The following PCDH11X variants were observed in gnomAD, a reference collection of about 807,000 sequenced individuals.
The protein encoded by PCDH11X is protocadherin 11 X-linked.
In PCDH11X, 18 loss-of-function variants were observed where a neutral mutation model predicts 53.3. That is an observed-to-expected ratio of 0.34 (90% CI 0.23 to 0.50). PCDH11X has a LOEUF of 0.50. PCDH11X is among the 20% of genes least tolerant of loss of function. The probability of loss-of-function intolerance (pLI) is 0.98; values close to 1 mark genes in which losing one functional copy is unlikely to be tolerated. For synonymous variants in PCDH11X, 279 were observed against 393.3 expected (o/e 0.71, Z 3.44); for missense variants, 570 against 1,032.4 (o/e 0.55, Z 6.14).
In PCDH11X at chrX:92,297,087, T is replaced by C. The variant is rs1288247182; in HGVS notation, c.3144+33944T>C. Among the ~76,000 whole-genome samples the C allele has an allele frequency of 9.4e-5, 9 of 95,804 alleles. No homozygotes were observed. The East Asian group carries it at 3.1e-3, about 33-fold the overall frequency. 83.2% of individuals were successfully genotyped at this position (95,804 alleles called of 115,157 possible). A position where few individuals can be genotyped will look rare whatever the true frequency, so the allele number is the denominator to read the frequency against. On this transcript the variant is annotated intron_variant, in intron 8 of 10. Coordinates refer to ENST00000682573, the MANE Select transcript of PCDH11X (RefSeq NM_032968.5). ...CATTGTTTGCAAATATTTTCTCCCA[T>C]TCTGTAGGTGGCCTGTTTACTCTGT...
At chrX:92,218,974 A>T (rs1334874045) in intron 7 of PCDH11X, among the ~76,000 whole-genome samples, 2 of 111,712 alleles carry the variant, frequency 1.8e-5, no homozygotes, top group African/African-American at 6.5e-5. Context: ...GATGCAGAAA[A>T]GGCCTTTGAC....
In PCDH11X at chrX:92,282,375, C is replaced by T. The variant is rs1476049534; in HGVS notation, c.3144+19232C>T. ...GTTAATATCTTCCAAAAATAATACC[C>T]TAGTTCAATCTTTGAAAAAGATGTA... is the stretch of plus-strand genomic sequence containing the variant. On this transcript the variant is annotated intron_variant, in intron 8 of 10. Transcript: ENST00000682573. Among the ~76,000 whole-genome samples, 3 of 110,953 alleles carry T rather than the reference C, an allele frequency of 2.7e-5. No individual in the cohort carries two copies. In the Admixed American group the frequency reaches 2.9e-4, roughly 11 times the overall value.
At chrX:92,271,684 T>C (rs1050759347) in intron 8 of PCDH11X, among the ~76,000 whole-genome samples, 1 of 112,444 alleles carries the variant, frequency 8.9e-6, no homozygotes, top group African/African-American at 3.2e-5. Flanking sequence ...CCTATTTTCC[T>C]GCTTCAATAT....
intron 6 of PCDH11X, among the ~76,000 whole-genome samples, chrX:92,152,765 ATG>A (rs2065458740): frequency 1.0e-5 from 1 of 98,966 alleles, no homozygotes; most frequent in Non-Finnish European, 2.0e-5. Context: ...GTATGTATGT[ATG>A]TATGTATGTA....
intron 8 of PCDH11X, among the ~76,000 whole-genome samples, chrX:92,368,242 T>C (rs1436688732): frequency 1.8e-5 from 2 of 110,383 alleles, no homozygotes; most frequent in Non-Finnish European, 3.8e-5. Flanking sequence ...TTTCAGTAAG[T>C]TGATCTTTAA....
intron 8 of PCDH11X, among the ~76,000 whole-genome samples, chrX:92,364,193 G>A (rs1341398792): frequency 2.7e-5 from 3 of 111,643 alleles, no homozygotes; most frequent in African/African-American, 9.7e-5. Flanking sequence ...ATGGCAATAT[G>A]TTCTGAGAAA....
chrX:92,276,616 G>A (rs2068099090), intron 8 of PCDH11X, among the ~76,000 whole-genome samples: 1 of 111,190 alleles, frequency 9.0e-6, no homozygotes, highest in South Asian at 3.8e-4. Flanking sequence ...TGTGGCTGGG[G>A]TTTGTCTCAC....
At chrX:92,046,527 G>T (rs1026047857) in intron 6 of PCDH11X, among the ~76,000 whole-genome samples, 4 of 111,028 alleles carry the variant, frequency 3.6e-5, no homozygotes, top group Admixed American at 2.9e-4. Flanking sequence ...CTAAAAACAT[G>T]TGTTGTTTGT....
chrX:92,048,532 T>A (rs1401564843), intron 6 of PCDH11X, among the ~76,000 whole-genome samples: 1 of 110,924 alleles, frequency 9.0e-6, no homozygotes, highest in Non-Finnish European at 1.9e-5. Context: ...AAGAATATAC[T>A]TCGTTCTTTT....
chrX:92,563,305 G>T (rs1412054663), intron 10 of PCDH11X, among the ~76,000 whole-genome samples: 1 of 108,800 alleles, frequency 9.2e-6, no homozygotes. Context: ...TAAATAGCTA[G>T]ATCTCAGAAA....
chrX:92,370,465 T>C (rs1449762367), intron 8 of PCDH11X, among the ~76,000 whole-genome samples: 1 of 104,553 alleles, frequency 9.6e-6, no homozygotes, highest in Non-Finnish European at 2.0e-5. Context: ...TTTTTCTTTT[T>C]TTTTTTTTTT....
At chrX:92,087,785 TTATA>T (rs2063983192) in intron 6 of PCDH11X, among the ~76,000 whole-genome samples, 1 of 110,224 alleles carries the variant, frequency 9.1e-6, no homozygotes, top group African/African-American at 3.3e-5. Flanking sequence ...GGAATTCATT[TTATA>T]TCATGTCGGA....
chrX:92,144,477 G>C (rs1044287665), intron 6 of PCDH11X, among the ~76,000 whole-genome samples: 7 of 110,910 alleles, frequency 6.3e-5, no homozygotes, highest in Non-Finnish European at 1.1e-4. Context: ...GGTGTGTCAG[G>C]GTTTTCCGCT....
intron 6 of PCDH11X, among the ~76,000 whole-genome samples, chrX:91,888,491 C>A (rs1602435014): frequency 2.7e-5 from 3 of 109,742 alleles, no homozygotes; most frequent in South Asian, 3.9e-4. Flanking sequence ...CTGTCTCTAT[C>A]AAAAATGCAA....
chrX:92,277,202 G>T (rs1263311507), intron 8 of PCDH11X, among the ~76,000 whole-genome samples: 2 of 110,024 alleles, frequency 1.8e-5, no homozygotes, highest in Admixed American at 9.8e-5. Context: ...GGAAGATTTG[G>T]GAGGAGTTGC....
intron 6 of PCDH11X, among the ~76,000 whole-genome samples, chrX:92,105,453 G>A (rs1403610824): frequency 9.1e-6 from 1 of 110,455 alleles, no homozygotes; most frequent in South Asian, 3.9e-4. Flanking sequence ...GCGTCCGTGT[G>A]AAGAGACCAC....
At position 91,917,049 on chromosome X, in the gene PCDH11X, T is replaced by G. The variant is rs184187183; in HGVS notation, c.3033+37776T>G. On this transcript the variant is annotated intron_variant, in intron 6 of 10. Transcript: ENST00000682573. ...ATGTGATACATCACATAAACAGAAT[T>G]AAAAACAAAAATCACACGATTTTCT... Among the ~76,000 whole-genome samples the G allele has an allele frequency of 6.3e-5, 7 of 111,085 alleles. No homozygotes were observed. The East Asian group carries it at 2.0e-3, about 31-fold the overall frequency.
At chrX:91,930,766 C>T (rs12853431) in intron 6 of PCDH11X, among the ~76,000 whole-genome samples, 2 of 99,662 alleles carry the variant, frequency 2.0e-5, no homozygotes, top group African/African-American at 7.2e-5. Context: ...CTTGGAAGTA[C>T]ATTTGATGGC....
chrX:92,489,671 C>T (rs1202380146), intron 10 of PCDH11X, among the ~76,000 whole-genome samples: 2 of 106,924 alleles, frequency 1.9e-5, no homozygotes, highest in East Asian at 5.8e-4. Context: ...AAAAATATTC[C>T]TAAACCATCT....
Sources: allele counts gnomAD v4.1 joint callset (sites outside exome capture counted in the v4.1 genomes callset), GRCh38; gene constraint gnomAD v4.1.1; transcripts MANE v1.5; gene names NCBI Gene and HGNC (gene_info 2026-07-23, HGNC 2026-07-21).